The following TCF4 variants were observed in gnomAD, a reference collection of about 807,000 sequenced individuals.
The protein encoded by TCF4 is transcription factor 4, also known as SL3-3 enhancer factor 2.
In TCF4, 3 loss-of-function variants were observed where a neutral mutation model predicts 82.1. That is an observed-to-expected ratio of 0.04 (90% CI 0.02 to 0.09). The LOEUF (loss-of-function observed/expected upper bound fraction) is 0.09. Ranked by LOEUF, TCF4 falls within the 10% of genes least tolerant of loss-of-function variation. TCF4 has a pLI of 1.00. For missense variants in TCF4, 518 were observed against 852.7 expected, an observed-to-expected ratio of 0.61 and a Z score of 4.89; for synonymous variants, 276 against 309.6, an observed-to-expected ratio of 0.89 and a Z score of 1.14.
At chr18:55,596,851 C>G (rs543518651) in intron 2 of TCF4, among the ~76,000 whole-genome samples, 1 of 152,092 alleles carries the variant, frequency 6.6e-6, no homozygotes, top group African/African-American at 2.4e-5. Flanking sequence ...TTTATAGCCA[C>G]TGCTCAAGTA....
chr18:55,291,820 T>G (rs998955715), intron 8 of TCF4, among the ~76,000 whole-genome samples: 2 of 152,176 alleles, frequency 1.3e-5, no homozygotes, highest in African/African-American at 4.8e-5. Context: ...TTTGGTAAAT[T>G]ACATACAAAA....
At chr18:55,561,779 C>T (rs555116929) in intron 3 of TCF4, among the ~76,000 whole-genome samples, 20 of 152,186 alleles carry the variant, frequency 1.3e-4, no homozygotes, top group African/African-American at 4.8e-4. Flanking sequence ...AACAAAAATC[C>T]CTCATACAAG....
Position 55,559,285 on chromosome 18 carries a change from T to G in TCF4, c.145+25995A>C, listed in dbSNP as rs372979696. Among the ~76,000 whole-genome samples the G allele has an allele frequency of 8.5e-5, 13 of 152,146 alleles. 1 individual carries two copies. The South Asian group carries it at 2.3e-3, about 27-fold the overall frequency. On this transcript the variant is annotated intron_variant, in intron 3 of 19. Coordinates refer to ENST00000354452, the MANE Select transcript of TCF4 (RefSeq NM_001083962.2). ...TTAAGACTGCTATTATTCAGCTTGA[T>G]CTATGATATAATGGAGCAGAACAGA...
At chr18:55,475,145 C>T (rs1161251843) in intron 3 of TCF4, among the ~76,000 whole-genome samples, 4 of 152,278 alleles carry the variant, frequency 2.6e-5, no homozygotes, top group Middle Eastern at 6.8e-3. Flanking sequence ...CCTCCCTCTC[C>T]GGTAGAAGAC....
intron 3 of TCF4, among the ~76,000 whole-genome samples, chr18:55,575,484 T>C (rs1400731291): frequency 6.6e-6 from 1 of 152,240 alleles, no homozygotes; most frequent in African/African-American, 2.4e-5. Flanking sequence ...ATAAATCCTT[T>C]ACTTTTTGAA....
At chr18:55,359,164 T>C (rs1212724429) in intron 6 of TCF4, among the ~76,000 whole-genome samples, 1 of 152,206 alleles carries the variant, frequency 6.6e-6, no homozygotes, top group Non-Finnish European at 1.5e-5. Context: ...ATTTCAGTTC[T>C]TTAGTCTGAT....
At chr18:55,389,694 C>A (rs2092915033) in intron 6 of TCF4, among the ~76,000 whole-genome samples, 2 of 151,994 alleles carry the variant, frequency 1.3e-5, no homozygotes, top group Admixed American at 1.3e-4. Flanking sequence ...AAACAGGGGC[C>A]AGGATACCAC....
At chr18:55,397,778 CAT>C (rs1569360402) in intron 6 of TCF4, among the ~76,000 whole-genome samples, 3 of 152,194 alleles carry the variant, frequency 2.0e-5, no homozygotes, top group African/African-American at 7.2e-5. Flanking sequence ...TTTTAAGAGA[CAT>C]GTACTGAAAA....
intron 3 of TCF4, among the ~76,000 whole-genome samples, chr18:55,566,293 A>G (rs1445993301): frequency 6.6e-6 from 1 of 152,112 alleles, no homozygotes; most frequent in Non-Finnish European, 1.5e-5. Flanking sequence ...GCAGAGAGAC[A>G]ACGGAGATCC....
intron 5 of TCF4, among the ~76,000 whole-genome samples, chr18:55,444,504 A>G (rs1454357973): frequency 6.6e-6 from 1 of 152,228 alleles, no homozygotes; most frequent in Non-Finnish European, 1.5e-5. Context: ...AAGGAAGCCA[A>G]GATTAGCATC....
chr18:55,590,952 G>C (rs1039247686), upstream of TCF4, among the ~76,000 whole-genome samples: 4 of 152,178 alleles, frequency 2.6e-5, no homozygotes, highest in Non-Finnish European at 5.9e-5. Flanking sequence ...CAACTATATT[G>C]AGTGACAGAG....
intron 6 of TCF4, among the ~76,000 whole-genome samples, chr18:55,375,489 G>A (rs1488643916): frequency 3.3e-5 from 5 of 152,172 alleles, no homozygotes; most frequent in Middle Eastern, 3.4e-3. Flanking sequence ...AAAATGCGAA[G>A]CTGACCTGTA....
At chr18:55,572,678 C>T (rs1224190191) in intron 3 of TCF4, among the ~76,000 whole-genome samples, 1 of 152,192 alleles carries the variant, frequency 6.6e-6, no homozygotes, top group Non-Finnish European at 1.5e-5. Flanking sequence ...TACCTGACCA[C>T]AGGCAGGAGA....
intron 3 of TCF4, among the ~76,000 whole-genome samples, chr18:55,467,246 A>T: frequency 6.6e-6 from 1 of 152,182 alleles, no homozygotes; most frequent in East Asian, 1.9e-4. Context: ...TAAACATGTT[A>T]CTTTGAAGTC....
chr18:55,302,976 A>C (rs2068803780), intron 8 of TCF4, among the ~76,000 whole-genome samples: 1 of 152,186 alleles, frequency 6.6e-6, no homozygotes, highest in Non-Finnish European at 1.5e-5. Flanking sequence ...CCAGTTGTCA[A>C]AAGCATCCCA....
intron 5 of TCF4, among the ~76,000 whole-genome samples, chr18:55,442,973 T>G (rs2095466498): frequency 6.6e-6 from 1 of 152,216 alleles, no homozygotes. Flanking sequence ...CATTCGTACT[T>G]CTTGTGGGTG....
intron 11 of TCF4, chr18:55,266,293 G>A (rs1421280668): frequency 1.3e-5 from 2 of 152,102 alleles, no homozygotes; most frequent in African/African-American, 2.4e-5. Context: ...TTCCTCCTCC[G>A]TATGTATGCT....
intron 8 of TCF4, among the ~76,000 whole-genome samples, chr18:55,307,919 C>A (rs1351466054): frequency 6.6e-6 from 1 of 152,196 alleles, no homozygotes; most frequent in Non-Finnish European, 1.5e-5. Context: ...GTACAAGGCA[C>A]CAACAATCTC....
At chr18:55,350,790 G>T (rs899773577) in intron 7 of TCF4, 84 bp downstream of exon 7, 4 of 1,583,598 alleles carry the variant, frequency 2.5e-6, no homozygotes, top group Admixed American at 1.7e-5. Flanking sequence ...GAGGTAGGAT[G>T]GGGGGGCGAT....
Sources: allele counts gnomAD v4.1 joint callset (sites outside exome capture counted in the v4.1 genomes callset), GRCh38; gene constraint gnomAD v4.1.1; transcripts MANE v1.5; gene names NCBI Gene and HGNC (gene_info 2026-07-23, HGNC 2026-07-21).